Variants in PPM1H observed in about 807,000 individuals in gnomAD.
PPM1H encodes protein phosphatase, Mg2+/Mn2+ dependent 1H, also known as protein phosphatase 1H.
A neutral mutation model predicts 54.9 loss-of-function variants in PPM1H; 27 were observed. The ratio of observed to expected loss-of-function variants is 0.49; its 90% CI spans 0.36 to 0.68. The LOEUF (loss-of-function observed/expected upper bound fraction) is 0.68, where lower values mean the gene tolerates loss of function less well. Among genes scored for constraint, PPM1H ranks in the 30% least tolerant of loss-of-function variants. The pLI is 0.00. For missense variants in PPM1H, 596 were observed against 667.8 expected, an observed-to-expected ratio of 0.89 and a Z score of 1.19; for synonymous variants, 305 against 270.8, an observed-to-expected ratio of 1.13 and a Z score of -1.24.
intron 1 of PPM1H, among the ~76,000 whole-genome samples, chr12:62,910,006 G>C (rs916666966): frequency 6.6e-6 from 1 of 152,106 alleles, no homozygotes; most frequent in African/African-American, 2.4e-5. Flanking sequence ...ATTTATCCTG[G>C]GGTTCAGAAA....
At chr12:62,763,261 C>T (rs769182290) in intron 4 of PPM1H, among the ~76,000 whole-genome samples, 2 of 152,186 alleles carry the variant, frequency 1.3e-5, no homozygotes, top group Non-Finnish European at 2.9e-5. Context: ...TTCCACTTGT[C>T]CCCTGTAACC....
Position 62,798,414 on chromosome 12 carries a change from C to T in PPM1H, c.756+3402G>A, listed in dbSNP as rs145045399. Among the ~76,000 whole-genome samples the T allele has an allele frequency of 1.3e-4, 20 of 152,322 alleles. No individual in the cohort carries two copies. The East Asian group carries it at 3.1e-3, about 24-fold the overall frequency. ...GAACAAAAGGAAACAGTTTCTTCCA[C>T]GACTCAGCTTTCAGCTTAATTTTTT... On this transcript the variant is annotated intron_variant, in intron 3 of 9. Transcript: ENST00000228705.
At chr12:62,880,722 A>C (rs1870362709) in intron 1 of PPM1H, among the ~76,000 whole-genome samples, 1 of 152,170 alleles carries the variant, frequency 6.6e-6, no homozygotes, top group Non-Finnish European at 1.5e-5. Context: ...TCCCGTGCTC[A>C]GCTCCACCTC....
At chr12:62,793,229 ATAAT>A (rs1477820469) in intron 3 of PPM1H, among the ~76,000 whole-genome samples, 3 of 152,166 alleles carry the variant, frequency 2.0e-5, no homozygotes, top group Non-Finnish European at 4.4e-5. Context: ...AATTAACAAG[ATAAT>A]TGATTTATCT....
intron 6 of PPM1H, among the ~76,000 whole-genome samples, chr12:62,704,949 C>G (rs568114951): frequency 6.0e-4 from 91 of 152,320 alleles, no homozygotes; most frequent in Admixed American, 9.2e-4. Context: ...AAACATTTCT[C>G]TCTTTTGGCC....
intron 1 of PPM1H, among the ~76,000 whole-genome samples, chr12:62,878,579 G>A (rs979711196): frequency 1.3e-5 from 2 of 148,946 alleles, no homozygotes; most frequent in African/African-American, 2.5e-5. Flanking sequence ...GTGGCTGGAG[G>A]GTAGGGGTTG....
At chr12:62,655,232 C>T (rs2075837629) in intron 9 of PPM1H, among the ~76,000 whole-genome samples, 1 of 152,362 alleles carries the variant, frequency 6.6e-6, no homozygotes, top group South Asian at 2.1e-4. Flanking sequence ...CCTTTTGTGT[C>T]AGCTAGCTAC....
chr12:62,929,699 C>T (rs551705180), intron 1 of PPM1H, among the ~76,000 whole-genome samples: 2 of 152,160 alleles, frequency 1.3e-5, no homozygotes, highest in African/African-American at 2.4e-5. Context: ...AGAGACATCC[C>T]CAGGAGCTCC....
At chr12:62,781,635 G>A (rs1042435327) in intron 4 of PPM1H, among the ~76,000 whole-genome samples, 10 of 152,264 alleles carry the variant, frequency 6.6e-5, no homozygotes, top group Admixed American at 2.0e-4. Flanking sequence ...TCAGCGAGCA[G>A]TGATCTGCTC....
chr12:62,839,884 A>AAAAAAAAAAAAAAAAAC (rs1555200469), intron 1 of PPM1H, among the ~76,000 whole-genome samples: 1 of 150,272 alleles, frequency 6.7e-6, no homozygotes, highest in African/African-American at 2.5e-5. Context: ...CAAAAAAAAA[A>AAAAAAAAAAAAAAAAAC]AAAAAACACC....
In PPM1H at chr12:62,646,441, G is replaced by T. The variant is rs35316515; in HGVS notation, c.*2048C>A. ...AAGGATCCCAAAGACGGCAGCTCAG[G>T]GTCCTCCACGGAAGACTTGCTCAGG... On this transcript the variant is annotated 3_prime_UTR_variant, in exon 10 of 10. Transcript: ENST00000228705. 0.017 allele frequency: 2,557 copies of T among 152,282 alleles called. 40 individuals carry two copies. Among genetic ancestry groups the T allele is most frequent in the Non-Finnish European group, 0.024 (1,603 of 68,058 alleles). The allele number at this position is 152,282 out of a possible 1,614,324, so 9.4% of individuals were successfully genotyped here.
At chr12:62,725,489 A>T (rs73312441) in intron 5 of PPM1H, among the ~76,000 whole-genome samples, 50 of 152,304 alleles carry the variant, frequency 3.3e-4, no homozygotes, top group African/African-American at 1.2e-3. Flanking sequence ...AATTCTCCCC[A>T]GTTTATTCCC....
intron 1 of PPM1H, among the ~76,000 whole-genome samples, chr12:62,919,383 C>T (rs532746009): frequency 6.6e-6 from 1 of 151,632 alleles, no homozygotes; most frequent in Admixed American, 6.6e-5. Context: ...TCCTTGAAGA[C>T]CTGGAAAGGT....
At chr12:62,727,668 T>TATTATTATTATTATTATC (rs1261889302) in intron 5 of PPM1H, among the ~76,000 whole-genome samples, 1 of 148,086 alleles carries the variant, frequency 6.8e-6, no homozygotes, top group Non-Finnish European at 1.5e-5. Context: ...TTATTATTAT[T>TATTATTATTATTATTATC]ATTATTATTT....
intron 9 of PPM1H, among the ~76,000 whole-genome samples, chr12:62,660,695 A>T (rs1346848576): frequency 6.6e-6 from 1 of 152,188 alleles, no homozygotes; most frequent in East Asian, 1.9e-4. Context: ...CAAATAATAA[A>T]AACAAATTAA....
At position 62,844,405 on chromosome 12, in the gene PPM1H, A is replaced by T. The variant is rs1010665474; in HGVS notation, c.246-12126T>A. 2.6e-5 allele frequency among the ~76,000 whole-genome samples: 4 copies of T among 152,174 alleles called. No homozygotes were observed. The highest frequency in any genetic ancestry group is 4.8e-5 in the African/African-American group (2 of 41,440). On this transcript the variant is annotated intron_variant, in intron 1 of 9. Transcript: ENST00000228705. This position sits in a 1 kb window ranked among gnomAD's most constrained non-coding sequence, Gnocchi z 5.2. ...GTCTTATCTCTGATGCTGCTTCTTC[A>T]TTGCTAATCATTTATAGGAAAAAGC...
At chr12:62,731,806 G>A (rs981642721) in intron 5 of PPM1H, among the ~76,000 whole-genome samples, 8 of 152,036 alleles carry the variant, frequency 5.3e-5, no homozygotes, top group Admixed American at 2.6e-4. Context: ...AATATGTACC[G>A]GCAGAATGGA....
At chr12:62,806,152 A>AC in intron 2 of PPM1H, among the ~76,000 whole-genome samples, 1 of 152,116 alleles carries the variant, frequency 6.6e-6, no homozygotes, top group South Asian at 2.1e-4. Context: ...TGGCTTATCT[A>AC]CCCTATGGCA....
intron 2 of PPM1H, among the ~76,000 whole-genome samples, chr12:62,826,967 C>A (rs337524): frequency 0.046 from 6,933 of 152,260 alleles, 485 homozygotes; most frequent in African/African-American, 0.15. Context: ...CACAGTACCC[C>A]TCTCTTCTTG....
Sources: gnomAD v4.1 joint callset for allele counts (sites outside exome capture counted in the v4.1 genomes callset) on GRCh38, gnomAD v4.1.1 for gene constraint, Gnocchi (gnomAD v3.1) non-coding constraint, MANE v1.5 for transcripts, NCBI Gene and HGNC (gene_info 2026-07-23, HGNC 2026-07-21) for gene names.